The following PPP4R4 variants were observed in gnomAD, a reference collection of about 807,000 sequenced individuals.
PPP4R4 encodes the protein serine/threonine-protein phosphatase 4 regulatory subunit 4.
PPP4R4 carries 70 observed loss-of-function variants against 121.8 expected under a neutral mutation model. That is an observed-to-expected ratio of 0.57 (90% confidence interval 0.47 to 0.70). PPP4R4 has a LOEUF of 0.70. PPP4R4 is among the 30% of genes least tolerant of loss of function. PPP4R4 has a pLI of 0.00. For missense variants in PPP4R4, 875 were observed against 1,033.6 expected (o/e 0.85, Z 2.10); for synonymous variants, 348 against 355.7 (o/e 0.98, Z 0.24).
chr14:94,275,331 T>C, intron 23 of PPP4R4, 43 bp from the exon 24 acceptor site: 1 of 1,598,826 alleles, frequency 6.3e-7, no homozygotes. Context: ...ACCCTCTTTG[T>C]TAGTATATTT....
At chr14:94,259,210 A>G (rs1893640198) in intron 18 of PPP4R4, 85 bp from the exon 19 acceptor site, 5 of 1,515,978 alleles carry the variant, frequency 3.3e-6, no homozygotes, top group South Asian at 2.5e-5. Flanking sequence ...GAGTCAAACC[A>G]TATCATTTAT....
chr14:94,179,025 A>G (rs1365307700), intron 2 of PPP4R4, among the ~76,000 whole-genome samples: 3 of 152,224 alleles, frequency 2.0e-5, no homozygotes, highest in African/African-American at 7.2e-5. Context: ...TAGCTGTGCA[A>G]TGTGATGTCC....
At position 94,264,867 on chromosome 14, in the gene PPP4R4, C is replaced by T. The variant is rs758597415; in HGVS notation, c.2128-11C>T. ...TTGTACCTTTAATGCAAGATACTGTCTTAATAACAGGAACAATTAGAGAAA... is the reference window on the plus strand; with the variant it reads ...TTGTACCTTTAATGCAAGATACTGTTTTAATAACAGGAACAATTAGAGAAA... On this transcript the variant is annotated splice_polypyrimidine_tract_variant and intron_variant, in intron 19 of 24. Transcript: ENST00000304338. The T allele has an allele frequency of 1.9e-6, 3 of 1,586,176 alleles. No homozygotes were observed. Among genetic ancestry groups the T allele is most frequent in the Non-Finnish European group, 2.6e-6 (3 of 1,162,734 alleles).
Position 94,237,836 on chromosome 14 carries a change from T to G in PPP4R4, c.853+150T>G. On this transcript the variant is annotated intron_variant, in intron 8 of 24. Coordinates refer to ENST00000304338, the MANE Select transcript of PPP4R4 (RefSeq NM_058237.2). Reference sequence around the variant, plus strand: ...TTATGATTCATTCTGTTTTCGTGTCTTCTTGGCTTTCACTTTTACCCTCAT... The same window carrying G: ...TTATGATTCATTCTGTTTTCGTGTCGTCTTGGCTTTCACTTTTACCCTCAT... 4.5e-6 allele frequency: 5 copies of G among 1,101,998 alleles called. No homozygotes were observed. The South Asian group carries it at 7.8e-5, about 17-fold the overall frequency. 68.3% of individuals were successfully genotyped at this position (1,101,998 alleles called of 1,614,324 possible). A position where few individuals can be genotyped will look rare whatever the true frequency, so the allele number is the denominator to read the frequency against.
Position 94,218,334 on chromosome 14 carries a change from A to G in PPP4R4, c.294+9768A>G, listed in dbSNP as rs1435687701. On this transcript the variant is annotated intron_variant, in intron 3 of 24. Transcript: ENST00000304338. Reference sequence around the variant, plus strand: ...GAGCAGGATAAATGCGTGCGAGCGCACACACACACACATACACACACACCC... The same window carrying G: ...GAGCAGGATAAATGCGTGCGAGCGCGCACACACACACATACACACACACCC... 7.3e-5 allele frequency among the ~76,000 whole-genome samples: 11 copies of G among 151,720 alleles called. No homozygotes were observed. The South Asian group carries it at 2.1e-3, about 29-fold the overall frequency.
intron 23 of PPP4R4, among the ~76,000 whole-genome samples, chr14:94,271,960 A>T (rs137927667): frequency 1.3e-4 from 20 of 152,322 alleles, no homozygotes; most frequent in African/African-American, 4.3e-4. Flanking sequence ...TTCTAACAAA[A>T]TATGTACAAG....
chr14:94,257,642 T>TACACACACACACACACACAC (rs57997995), intron 17 of PPP4R4, among the ~76,000 whole-genome samples: 34 of 146,980 alleles, frequency 2.3e-4, no homozygotes, highest in African/African-American at 8.5e-4. Context: ...CATTTAAATC[T>TACACACACACACACACACAC]ACACACACAC....
At position 94,180,168 on chromosome 14, in the gene PPP4R4, A is replaced by G. The variant is rs576140788; in HGVS notation, c.191+4041A>G. ...CTTCTGTCTCCTTTTCCCTTTCCCT[A>G]CTTCCTTGCTACTTAGGTGCTCAAG... On this transcript the variant is annotated intron_variant, in intron 2 of 24. Transcript: ENST00000304338. Among the ~76,000 whole-genome samples the G allele has an allele frequency of 2.6e-4, 39 of 152,176 alleles. No homozygotes were observed. In the South Asian group the frequency reaches 3.3e-3, roughly 13 times the overall value.
intron 2 of PPP4R4, 82 bp downstream of exon 2, chr14:94,176,209 C>T (rs1023579089): frequency 5.0e-6 from 6 of 1,190,144 alleles, no homozygotes; most frequent in Non-Finnish European, 7.5e-6. Flanking sequence ...TGTATGTTCG[C>T]GTTATGTTCA....
At chr14:94,229,746 A>G (rs1189312593) in intron 3 of PPP4R4, among the ~76,000 whole-genome samples, 1 of 152,182 alleles carries the variant, frequency 6.6e-6, no homozygotes, top group Non-Finnish European at 1.5e-5. Context: ...ACTTTATTAT[A>G]TTATAAAATA....
Position 94,251,143 on chromosome 14 carries a change from T to C in PPP4R4, c.1718-606T>C, listed in dbSNP as rs563440407. On this transcript the variant is annotated intron_variant, in intron 15 of 24. Coordinates refer to ENST00000304338, the MANE Select transcript of PPP4R4 (RefSeq NM_058237.2). The stretch of plus-strand genomic sequence containing the variant: ...TGAAAGAAGATTCAGTTTGGTTTTA[T>C]TTTTGAACATTTATGTAAAAAGTAG... 8.5e-5 allele frequency among the ~76,000 whole-genome samples: 13 copies of C among 152,194 alleles called. No homozygotes were observed. The East Asian group carries it at 2.1e-3, about 25-fold the overall frequency.
rs185624323 is a variant in PPP4R4 at position 94,279,021 on chromosome 14, T to C, written c.*378T>C. On this transcript the variant is annotated 3_prime_UTR_variant, in exon 25 of 25. Coordinates refer to ENST00000304338, the MANE Select transcript of PPP4R4 (RefSeq NM_058237.2). ...AGAGTTTTAGCATTTAAAAATCGTA[T>C]GAAAGTCTACATCAGCTGAATTGTC... 1.4e-3 allele frequency: 214 copies of C among 154,678 alleles called. No homozygotes were observed. Among genetic ancestry groups the C allele is most frequent in the Admixed American group, 2.4e-3 (37 of 15,350 alleles). 9.6% of individuals were successfully genotyped at this position (154,678 alleles called of 1,614,324 possible).
intron 2 of PPP4R4, among the ~76,000 whole-genome samples, chr14:94,201,166 T>C (rs757543886): frequency 4.6e-5 from 7 of 152,242 alleles, no homozygotes; most frequent in Non-Finnish European, 8.8e-5. Context: ...TTTCCAATTT[T>C]ATTCCACTGT....
intron 2 of PPP4R4, among the ~76,000 whole-genome samples, chr14:94,188,843 G>A (rs377272773): frequency 9.2e-5 from 14 of 152,170 alleles, no homozygotes; most frequent in African/African-American, 3.4e-4. Flanking sequence ...TTTGTAGCCT[G>A]TAAATACATA....
chr14:94,235,932 T>C (rs1892322363), intron 7 of PPP4R4, among the ~76,000 whole-genome samples: 1 of 152,218 alleles, frequency 6.6e-6, no homozygotes, highest in Admixed American at 6.5e-5. Context: ...TCTGGTTCTT[T>C]GTTGCACAAG....
At chr14:94,263,514 T>A (rs532205001) in intron 19 of PPP4R4, among the ~76,000 whole-genome samples, 9 of 152,348 alleles carry the variant, frequency 5.9e-5, no homozygotes, top group African/African-American at 2.2e-4. Context: ...GTGACTAAAG[T>A]GGAAATTTTA....
At chr14:94,264,053 T>C (rs1033000084) in intron 19 of PPP4R4, among the ~76,000 whole-genome samples, 1 of 152,208 alleles carries the variant, frequency 6.6e-6, no homozygotes, top group African/African-American at 2.4e-5. Flanking sequence ...TTTTGTTTCA[T>C]GATATTGGAG....
intron 2 of PPP4R4, among the ~76,000 whole-genome samples, chr14:94,193,415 G>A (rs1889706787): frequency 6.6e-6 from 1 of 151,982 alleles, no homozygotes; most frequent in Non-Finnish European, 1.5e-5. Context: ...TCTACAACAT[G>A]GGATAATAAT....
At chr14:94,233,780 T>G in intron 6 of PPP4R4, 21 bp downstream of exon 6, 1 of 1,451,504 alleles carries the variant, frequency 6.9e-7, no homozygotes, top group Non-Finnish European at 9.6e-7. Flanking sequence ...GTATGTAATT[T>G]TCGGTCTACT....
Sources: gnomAD v4.1 joint callset for allele counts (sites outside exome capture counted in the v4.1 genomes callset) on GRCh38, gnomAD v4.1.1 for gene constraint, MANE v1.5 for transcripts, NCBI Gene and HGNC (gene_info 2026-07-23, HGNC 2026-07-21) for gene names.